Variants in ICE1 observed in about 807,000 individuals in gnomAD.
ICE1 encodes interactor of little elongation complex ELL subunit 1, also known as little elongation complex subunit 1.
In ICE1, 64 loss-of-function variants were observed where a neutral mutation model predicts 192.7. That is an observed-to-expected ratio of 0.33 (90% CI 0.27 to 0.41). ICE1 has a LOEUF of 0.41. Among genes scored for constraint, ICE1 ranks in the 10% least tolerant of loss-of-function variants. The pLI is 1.00. For synonymous variants in ICE1, 1,010 were observed against 984.5 expected (o/e 1.03, Z -0.49); for missense variants, 2,708 against 2,696.0 (o/e 1.00, Z -0.10).
At chr5:5,442,620 A>G (rs1202288983) in intron 5 of ICE1, among the ~76,000 whole-genome samples, 1 of 152,212 alleles carries the variant, frequency 6.6e-6, no homozygotes, top group South Asian at 2.1e-4. Context: ...TAAAAAAGGA[A>G]TAATGAAACT....
At chr5:5,486,543 A>G (rs572124497) in intron 17 of ICE1, among the ~76,000 whole-genome samples, 178 bp from the exon 18 acceptor site, 5 of 152,324 alleles carry the variant, frequency 3.3e-5, no homozygotes, top group Admixed American at 6.5e-5. Context: ...TCTAAATTCT[A>G]TTTATTCCAT....
intron 1 of ICE1, among the ~76,000 whole-genome samples, chr5:5,435,435 ATTAC>A (rs1737840584): frequency 6.6e-6 from 1 of 152,168 alleles, no homozygotes; most frequent in Non-Finnish European, 1.5e-5. Flanking sequence ...ATTTCAAATT[ATTAC>A]TTGGTGTAAT....
intron 3 of ICE1, chr5:5,437,963 GTTAT>G (rs1370717342): frequency 6.6e-6 from 1 of 152,216 alleles, no homozygotes; most frequent in Non-Finnish European, 1.5e-5. Context: ...GTCATCATCA[GTTAT>G]TTATTTGTGT....
chr5:5,429,639 T>C (rs1393739092), intron 1 of ICE1, among the ~76,000 whole-genome samples: 2 of 152,232 alleles, frequency 1.3e-5, no homozygotes, highest in African/African-American at 2.4e-5. Context: ...TGCTATATTA[T>C]CTATATACTT....
intron 3 of ICE1, among the ~76,000 whole-genome samples, chr5:5,439,135 T>C (rs1161711069): frequency 6.6e-6 from 1 of 152,182 alleles, no homozygotes; most frequent in Non-Finnish European, 1.5e-5. Flanking sequence ...ATCACCTCTT[T>C]CTAAATGGCA....
chr5:5,464,543 G>A lies in ICE1; in HGVS notation c.5209G>A (p.Gly1737Ser). The A allele has an allele frequency of 6.2e-7, 1 of 1,613,818 alleles. No individual in the cohort carries two copies. Among genetic ancestry groups the A allele is most frequent in the Non-Finnish European group, 8.5e-7 (1 of 1,179,790 alleles). Residue 1737 changes from glycine (G) to serine (S), a missense_variant, in exon 13 of 19, where the codon GGC becomes AGC. Gly to Ser is a moderately conservative substitution (Grantham distance 56). This residue lies in a region of ICE1 where 2,366 missense variants were observed against 2,276.6 expected (regional missense o/e 1.04). Coordinates refer to ENST00000296564, the MANE Select transcript of ICE1 (RefSeq NM_015325.3). The surrounding 1 kb of genome is among the most constrained non-coding windows in gnomAD (Gnocchi z 4.0). ...VPGRLPPCASGHAAVGGPQEN... is the reference protein window; with the variant it reads ...VPGRLPPCASSHAAVGGPQEN... The stretch of plus-strand genomic sequence containing the variant: ...TGGCCGACTCCCACCCTGTGCATCT[G>A]GCCACGCTGCTGTGGGAGGGCCTCA...
rs951382846 is a variant in ICE1 at position 5,422,693 on chromosome 5, G to A, written c.-223G>A. 11 of 335,268 alleles carry A rather than the reference G, an allele frequency of 3.3e-5. No individual in the cohort carries two copies. The highest frequency in any genetic ancestry group is 4.9e-5 in the Admixed American group (1 of 20,470). 20.8% of individuals were successfully genotyped at this position (335,268 alleles called of 1,614,324 possible). On this transcript the variant is annotated 5_prime_UTR_variant, in exon 1 of 19. Coordinates refer to ENST00000296564, the MANE Select transcript of ICE1 (RefSeq NM_015325.3). ...GCCCTGACTGGACTGCGTCGCGCTC[G>A]GGGGCCGCGCCGGGTAGCGTTTCTT...
Position 5,464,506 on chromosome 5 carries a change from A to G in ICE1, c.5172A>G (p.Ala1724=), listed in dbSNP as rs373523689. 3.2e-5 allele frequency: 52 copies of G among 1,613,754 alleles called. No individual in the cohort carries two copies. Among genetic ancestry groups the G allele is most frequent in the Non-Finnish European group, 4.2e-5 (49 of 1,179,874 alleles). Residue 1724 remains alanine, a synonymous_variant, in exon 13 of 19, where the codon GCA becomes GCG. Transcript: ENST00000296564. This position sits in a 1 kb window ranked among gnomAD's most constrained non-coding sequence, Gnocchi z 4.0. ...LQFCAATPKH[A]LPVPGRLPPC... is the part of the protein sequence containing the mutation. ...TCTGTGCGGCCACGCCGAAGCACGCACTTCCTGTGCCTGGCCGACTCCCAC... is the reference window on the plus strand; with the variant it reads ...TCTGTGCGGCCACGCCGAAGCACGCGCTTCCTGTGCCTGGCCGACTCCCAC...
chr5:5,456,951 T>C (rs1157150368), intron 11 of ICE1, among the ~76,000 whole-genome samples: 2 of 152,194 alleles, frequency 1.3e-5, no homozygotes. Flanking sequence ...AATAGTGTTC[T>C]GTATCAACCT....
chr5:5,431,454 C>T (rs1249392450), intron 1 of ICE1, among the ~76,000 whole-genome samples: 2 of 152,166 alleles, frequency 1.3e-5, no homozygotes, highest in African/African-American at 4.8e-5. Flanking sequence ...TTCCGAAGGA[C>T]CATGTTCACA....
In ICE1 at chr5:5,464,132, C is replaced by A. The variant is rs1738899036; in HGVS notation, c.4798C>A (p.Gln1600Lys). The stretch of plus-strand genomic sequence containing the variant: ...AGCTAATACAAAAACTCAAAGAAGC[C>A]AAACTCAGACCATTTTAGCAAATGC... The part of the protein sequence containing the change: ...EKANTKTQRS[Q>K]TQTILANADT... Residue 1600 changes from glutamine to lysine, a missense_variant, in exon 13 of 19, where the codon CAA becomes AAA. Around this residue, in one of 2 missense-constraint regions of ICE1, gnomAD observed 2,366 missense variants for 2,276.6 expected, o/e 1.04. Coordinates refer to ENST00000296564, the MANE Select transcript of ICE1 (RefSeq NM_015325.3). The surrounding 1 kb of genome is among the most constrained non-coding windows in gnomAD (Gnocchi z 4.0). 6.2e-7 allele frequency: 1 copy of A among 1,613,506 alleles called. No individual in the cohort carries two copies. The highest frequency in any genetic ancestry group is 8.5e-7 in the Non-Finnish European group (1 of 1,179,868).
At position 5,424,102 on chromosome 5, in the gene ICE1, A is replaced by T. The variant is rs1177589342; in HGVS notation, c.84+1103A>T. Among the ~76,000 whole-genome samples, 5 of 152,282 alleles carry T rather than the reference A, an allele frequency of 3.3e-5. No homozygotes were observed. The East Asian group carries it at 9.7e-4, about 29-fold the overall frequency. On this transcript the variant is annotated intron_variant, in intron 1 of 18. Transcript: ENST00000296564. ...TGGAAAGGTTCCTTTGGTGAGAAGG[A>T]GCAGGGTGTCTTTGATGAGCAGAAC...
At chr5:5,446,450 C>T (rs558948212) in intron 7 of ICE1, among the ~76,000 whole-genome samples, 3 of 151,262 alleles carry the variant, frequency 2.0e-5, no homozygotes, top group African/African-American at 4.9e-5. Flanking sequence ...CCACGACACC[C>T]GACTAATTTC....
At chr5:5,457,124 C>G (rs1312474266) in intron 11 of ICE1, among the ~76,000 whole-genome samples, 1 of 152,138 alleles carries the variant, frequency 6.6e-6, no homozygotes, top group East Asian at 1.9e-4. Context: ...TCTCACTTTT[C>G]TTACTGCAAG....
chr5:5,436,341 T>C, intron 1 of ICE1, 77 bp from the exon 2 acceptor site: 4 of 849,358 alleles, frequency 4.7e-6, no homozygotes, highest in African/African-American at 1.8e-5. Context: ...TTCTTAGATA[T>C]GATAAATAAT....
rs1054840200 is a variant in ICE1 at position 5,489,291 on chromosome 5, A to G, written c.6762A>G (p.Leu2254=). ...KSVPSAIVSC[L]EEVSALSTEE... Reference sequence around the variant, plus strand: ...TTCCGTCTGCGATTGTCAGCTGCCTAGAGGAAGTCAGTGCCCTGAGCACAG... The same window carrying G: ...TTCCGTCTGCGATTGTCAGCTGCCTGGAGGAAGTCAGTGCCCTGAGCACAG... Residue 2254 remains leucine, a synonymous_variant, in exon 19 of 19, where the codon CTA becomes CTG. Coordinates refer to ENST00000296564, the MANE Select transcript of ICE1 (RefSeq NM_015325.3). The G allele has an allele frequency of 1.2e-6, 2 of 1,613,514 alleles. No individual in the cohort carries two copies. Among genetic ancestry groups the G allele is most frequent in the Middle Eastern group, 3.3e-4 (2 of 6,060 alleles).
chr5:5,489,371 T>C lies in ICE1; in HGVS notation c.*41T>C. The C allele has an allele frequency of 6.6e-7, 1 of 1,509,274 alleles. No individual in the cohort carries two copies. The highest frequency in any genetic ancestry group is 8.9e-7 in the Non-Finnish European group (1 of 1,121,164). The allele number at this position is 1,509,274 out of a possible 1,614,324, so 93.5% of individuals were successfully genotyped here. A position where few individuals can be genotyped will look rare whatever the true frequency, so the allele number is the denominator to read the frequency against. On this transcript the variant is annotated 3_prime_UTR_variant, in exon 19 of 19. Transcript: ENST00000296564. ...AGGCTTGAGAAGTGCCTTGACACAT[T>C]TTGAACACAAATAGTTTGATCAGCT...
chr5:5,437,290 G>T, intron 3 of ICE1, 176 bp downstream of exon 3: 1 of 483,724 alleles, frequency 2.1e-6, no homozygotes, highest in Non-Finnish European at 3.7e-6. Context: ...CTTAATCCAT[G>T]TTTAATGATG....
chr5:5,449,371 T>C (rs1231729976), intron 10 of ICE1, among the ~76,000 whole-genome samples: 1 of 151,670 alleles, frequency 6.6e-6, no homozygotes, highest in Non-Finnish European at 1.5e-5. Context: ...AGCACCAGAG[T>C]ATTAGGTTGA....
Sources: allele counts gnomAD v4.1 joint callset (sites outside exome capture counted in the v4.1 genomes callset), GRCh38; gene constraint gnomAD v4.1.1; regional missense constraint gnomAD v4.1.1; non-coding constraint Gnocchi (gnomAD v3.1); transcripts MANE v1.5; gene names NCBI Gene and HGNC (gene_info 2026-07-23, HGNC 2026-07-21).